The following CSMD1 variants were observed in gnomAD, a reference collection of about 807,000 sequenced individuals.
CSMD1 encodes the protein CUB and Sushi multiple domains 1.
CSMD1 carries 213 observed loss-of-function variants against 417.5 expected under a neutral mutation model. That is an observed-to-expected ratio of 0.51 (90% confidence interval 0.46 to 0.57). The LOEUF (loss-of-function observed/expected upper bound fraction) is 0.57, where lower values mean the gene tolerates loss of function less well. Ranked by LOEUF, CSMD1 falls within the 20% of genes least tolerant of loss-of-function variation. CSMD1 has a pLI of 0.00. For synonymous variants in CSMD1, 2,862 were observed against 1,736.8 expected, an observed-to-expected ratio of 1.65 and a Z score of -16.11; for missense variants, 6,923 against 4,529.7, an observed-to-expected ratio of 1.53 and a Z score of -15.17.
At chr8:3,631,605 G>T (rs142820522) in intron 7 of CSMD1, among the ~76,000 whole-genome samples, 1 of 152,236 alleles carries the variant, frequency 6.6e-6, no homozygotes, top group Non-Finnish European at 1.5e-5. Context: ...GACAGGGAAG[G>T]ATCCATCGGT....
intron 1 of CSMD1, among the ~76,000 whole-genome samples, chr8:4,891,232 C>A (rs1270574159): frequency 1.3e-5 from 2 of 152,054 alleles, no homozygotes; most frequent in Non-Finnish European, 1.5e-5. Context: ...AGGTAAAATT[C>A]TATGTGCAAA....
chr8:4,787,211 AGGGGGCGCGCCT>A (rs1797448287), intron 1 of CSMD1: 1 of 471,988 alleles, frequency 2.1e-6, no homozygotes, highest in Non-Finnish European at 4.0e-6. Context: ...GGGCCCCGCC[AGGGGGCGCGCCT>A]GGGGGCCGCG....
At chr8:3,266,657 C>G (rs1444563014) in intron 26 of CSMD1, among the ~76,000 whole-genome samples, 2 of 145,316 alleles carry the variant, frequency 1.4e-5, no homozygotes, top group African/African-American at 2.5e-5. Flanking sequence ...CATCTGTAAT[C>G]CCAGCTACTC....
At chr8:4,558,630 G>A (rs1387247878) in intron 2 of CSMD1, among the ~76,000 whole-genome samples, 1 of 152,140 alleles carries the variant, frequency 6.6e-6, no homozygotes, top group Non-Finnish European at 1.5e-5. Context: ...ACTTTGGGAG[G>A]CTGAGGCAGC....
At chr8:4,863,392 G>C (rs1307008075) in intron 1 of CSMD1, among the ~76,000 whole-genome samples, 2 of 152,022 alleles carry the variant, frequency 1.3e-5, no homozygotes, top group Admixed American at 1.3e-4. Flanking sequence ...TAAGTAAAGA[G>C]AATGCCTTTG....
chr8:4,119,894 C>T (rs563639072), intron 3 of CSMD1, among the ~76,000 whole-genome samples: 3 of 152,032 alleles, frequency 2.0e-5, no homozygotes, highest in African/African-American at 4.8e-5. Context: ...GGACAGTTGC[C>T]GGAGTCTGGT....
intron 3 of CSMD1, among the ~76,000 whole-genome samples, chr8:4,033,249 G>A (rs984819866): frequency 6.6e-6 from 1 of 151,528 alleles, no homozygotes; most frequent in Non-Finnish European, 1.5e-5. Flanking sequence ...GACCATCCTG[G>A]CTAACACGGT....
intron 55 of CSMD1, 79 bp downstream of exon 55, chr8:2,978,533 A>G: frequency 1.7e-6 from 2 of 1,167,994 alleles, no homozygotes; most frequent in Non-Finnish European, 2.4e-6. Context: ...AGTGCCTTTT[A>G]AATATACTTA....
At chr8:4,570,372 G>T (rs2725049) in intron 2 of CSMD1, among the ~76,000 whole-genome samples, 102,437 of 152,090 alleles carry the variant, frequency 0.67, 34,593 homozygotes, top group East Asian at 0.77. Context: ...CGAAGGCCCT[G>T]TCTGCATCTA....
chr8:2,974,238 G>C (rs1211873127), intron 56 of CSMD1, among the ~76,000 whole-genome samples: 1 of 152,220 alleles, frequency 6.6e-6, no homozygotes, highest in African/African-American at 2.4e-5. Flanking sequence ...CCCCGGAGGA[G>C]AACATTTAAA....
chr8:3,838,421 A>G (rs1410076059), intron 5 of CSMD1, among the ~76,000 whole-genome samples: 1 of 150,522 alleles, frequency 6.6e-6, no homozygotes, highest in East Asian at 1.9e-4. Flanking sequence ...GAGAGACTAT[A>G]TATAGAGGGA....
At chr8:4,620,394 G>A (rs557982341) in intron 2 of CSMD1, among the ~76,000 whole-genome samples, 2 of 151,626 alleles carry the variant, frequency 1.3e-5, no homozygotes, top group African/African-American at 4.8e-5. Context: ...AGGAATTTGA[G>A]TTTGAGAAAC....
At chr8:3,763,326 T>C (rs963545359) in intron 5 of CSMD1, among the ~76,000 whole-genome samples, 6 of 152,160 alleles carry the variant, frequency 3.9e-5, no homozygotes, top group African/African-American at 1.4e-4. Flanking sequence ...TGGGGCCCTG[T>C]GGGAGGTGTT....
At chr8:4,875,251 G>A (rs559165922) in intron 1 of CSMD1, among the ~76,000 whole-genome samples, 16 of 152,050 alleles carry the variant, frequency 1.1e-4, no homozygotes, top group African/African-American at 3.6e-4. Flanking sequence ...ATGAACAAGC[G>A]CTATACCCAA....
At position 3,127,641 on chromosome 8, in the gene CSMD1, T is replaced by C. The variant is rs1242301676; in HGVS notation, c.6242-9054A>G. The C allele has an allele frequency of 3.9e-5, 6 of 152,170 alleles. No individual in the cohort carries two copies. In the East Asian group the frequency reaches 7.7e-4, roughly 20 times the overall value. 9.4% of individuals were successfully genotyped at this position (152,170 alleles called of 1,614,324 possible). On this transcript the variant is annotated intron_variant, in intron 41 of 69. Coordinates refer to ENST00000635120, the MANE Select transcript of CSMD1 (RefSeq NM_033225.6). ...TAACACATTCGATTATCTTTAAAAA[T>C]GGTGTTTGGCACACATAGCAAAAGG...
At chr8:3,709,904 G>GTATA (rs1187351620) in intron 6 of CSMD1, among the ~76,000 whole-genome samples, 1 of 125,674 alleles carries the variant, frequency 8.0e-6, no homozygotes, top group Non-Finnish European at 1.6e-5. Flanking sequence ...TAGATATGAA[G>GTATA]TATATACAGG....
chr8:3,668,687 G>A (rs1055268412), intron 7 of CSMD1, among the ~76,000 whole-genome samples: 1 of 152,110 alleles, frequency 6.6e-6, no homozygotes, highest in South Asian at 2.1e-4. Context: ...GATCAACCAG[G>A]AGTCGAAGTC....
intron 3 of CSMD1, among the ~76,000 whole-genome samples, chr8:4,374,609 G>C (rs952647550): frequency 6.6e-6 from 1 of 152,114 alleles, no homozygotes; most frequent in Non-Finnish European, 1.5e-5. Flanking sequence ...CTAAGAAATG[G>C]TCCTGAAAGC....
chr8:3,712,370 A>G (rs926748350), intron 6 of CSMD1, among the ~76,000 whole-genome samples: 1 of 132,628 alleles, frequency 7.5e-6, no homozygotes, highest in Non-Finnish European at 1.6e-5. Context: ...ATTTGCAAAG[A>G]AACAGGAGAG....
Sources: gnomAD v4.1 joint callset for allele counts (sites outside exome capture counted in the v4.1 genomes callset) on GRCh38, gnomAD v4.1.1 for gene constraint, MANE v1.5 for transcripts, NCBI Gene and HGNC (gene_info 2026-07-23, HGNC 2026-07-21) for gene names.